The following DAB1 variants were observed in gnomAD, a reference collection of about 807,000 sequenced individuals.
DAB1 encodes the protein DAB adaptor protein 1.
Under a neutral mutation model 64.6 loss-of-function variants are expected in DAB1, and 15 were observed. That is an observed-to-expected ratio of 0.23 (90% confidence interval 0.16 to 0.36). The LOEUF (loss-of-function observed/expected upper bound fraction) is 0.36, where lower values mean the gene tolerates loss of function less well. Among genes scored for constraint, DAB1 ranks in the 10% least tolerant of loss-of-function variants. The pLI, the probability that DAB1 is intolerant of heterozygous loss-of-function variation, is 1.00. For missense variants in DAB1, 596 were observed against 706.7 expected (o/e 0.84, Z 1.78); for synonymous variants, 235 against 251.9 (o/e 0.93, Z 0.64).
chr1:57,986,121 C>T (rs539911299), intron 5 of DAB1, among the ~76,000 whole-genome samples: 9 of 152,248 alleles, frequency 5.9e-5, no homozygotes, highest in East Asian at 1.9e-4. Context: ...GTAATTGTTG[C>T]TCAGCTCTGC....
intron 7 of DAB1, among the ~76,000 whole-genome samples, chr1:57,472,539 A>AT: frequency 6.6e-6 from 1 of 152,366 alleles, no homozygotes; most frequent in South Asian, 2.1e-4. Context: ...GATTACAGAC[A>AT]TTGTATAGAA....
intron 4 of DAB1, among the ~76,000 whole-genome samples, chr1:58,204,998 T>C (rs1423729449): frequency 4.6e-5 from 7 of 152,150 alleles, no homozygotes; most frequent in African/African-American, 1.7e-4. Context: ...CTGTAATAGA[T>C]ATAAGAGCTA....
intron 6 of DAB1, among the ~76,000 whole-genome samples, chr1:57,676,239 G>A (rs1391114598): frequency 1.3e-5 from 2 of 152,222 alleles, no homozygotes; most frequent in South Asian, 2.1e-4. Context: ...TGGAGAACCT[G>A]CTGCAGCAAG....
chr1:57,559,354 T>C (rs1645025361), intron 7 of DAB1, among the ~76,000 whole-genome samples: 1 of 152,166 alleles, frequency 6.6e-6, no homozygotes, highest in South Asian at 2.1e-4. Flanking sequence ...TCAGAACCCC[T>C]TGAATGAAGG....
At chr1:57,537,562 T>A (rs1042835353) in intron 7 of DAB1, among the ~76,000 whole-genome samples, 2 of 151,914 alleles carry the variant, frequency 1.3e-5, no homozygotes, top group Non-Finnish European at 2.9e-5. Context: ...GAGCCCAGAC[T>A]TTTTTTTCAA....
chr1:57,652,518 T>C (rs1005258236), intron 6 of DAB1, among the ~76,000 whole-genome samples: 2 of 152,286 alleles, frequency 1.3e-5, no homozygotes, highest in East Asian at 3.9e-4. Flanking sequence ...CCTTGATAAA[T>C]TGGCTTCATC....
intron 2 of DAB1, among the ~76,000 whole-genome samples, chr1:57,215,421 C>T (rs1666351089): frequency 6.6e-6 from 1 of 152,162 alleles, no homozygotes; most frequent in Non-Finnish European, 1.5e-5. Flanking sequence ...GAATGCCAGC[C>T]TTAGCCTTGA....
chr1:58,116,903 T>G (rs917407532), intron 5 of DAB1, among the ~76,000 whole-genome samples: 1 of 152,186 alleles, frequency 6.6e-6, no homozygotes, highest in African/African-American at 2.4e-5. Context: ...AAGGGATGGT[T>G]CTTATTGGCA....
intron 3 of DAB1, among the ~76,000 whole-genome samples, chr1:58,447,982 C>CG (rs1645090192): frequency 6.6e-6 from 1 of 151,848 alleles, no homozygotes; most frequent in Non-Finnish European, 1.5e-5. Flanking sequence ...GCCATTCCCC[C>CG]GGGGGAATGG....
rs181678215 is a variant in DAB1, at chr1:57,288,758, G to C, written c.67+2206C>G. Among the ~76,000 whole-genome samples the C allele has an allele frequency of 1.4e-4, 21 of 152,188 alleles. No homozygotes were observed. The East Asian group carries it at 3.9e-3, about 28-fold the overall frequency. ...GAAAAGAGTGGAGAGGAGGGAAATG[G>C]AGAAAGATGACAGGGAAGGGAGGGG... On this transcript the variant is annotated intron_variant, in intron 2 of 14. Coordinates refer to ENST00000371236, the MANE Select transcript of DAB1 (RefSeq NM_001365792.1).
At chr1:57,716,377 G>C in intron 6 of DAB1, among the ~76,000 whole-genome samples, 1 of 152,146 alleles carries the variant, frequency 6.6e-6, no homozygotes, top group East Asian at 1.9e-4. Context: ...CAAGCTATTG[G>C]CATAAAAACT....
chr1:57,988,783 C>T (rs1000982259), intron 5 of DAB1, among the ~76,000 whole-genome samples: 2 of 152,102 alleles, frequency 1.3e-5, no homozygotes, highest in African/African-American at 4.8e-5. Flanking sequence ...TCCTTAACAG[C>T]CAAATTACCC....
chr1:57,430,960 G>T (rs759084859), intron 7 of DAB1, among the ~76,000 whole-genome samples: 1 of 150,912 alleles, frequency 6.6e-6, no homozygotes, highest in Non-Finnish European at 1.5e-5. Context: ...TGAAGGAAAC[G>T]CATAATCATG....
intron 4 of DAB1, among the ~76,000 whole-genome samples, chr1:58,293,122 G>A (rs1030113364): frequency 1.3e-5 from 2 of 152,182 alleles, no homozygotes; most frequent in Non-Finnish European, 2.9e-5. Context: ...AAATGAGCGA[G>A]TAGTGAACAA....
intron 3 of DAB1, among the ~76,000 whole-genome samples, chr1:58,363,293 G>A (rs1046688281): frequency 6.6e-6 from 1 of 152,030 alleles, no homozygotes; most frequent in Non-Finnish European, 1.5e-5. Context: ...GTAAGTAAAG[G>A]GAAAATTAAA....
chr1:57,416,582 CTT>C (rs1282797489), intron 1 of DAB1, among the ~76,000 whole-genome samples: 1 of 152,108 alleles, frequency 6.6e-6, no homozygotes, highest in African/African-American at 2.4e-5. Flanking sequence ...ATAGAAATGA[CTT>C]TCAACAGATA....
chr1:57,210,412 A>G (rs1665910553), intron 2 of DAB1, among the ~76,000 whole-genome samples: 1 of 152,156 alleles, frequency 6.6e-6, no homozygotes. Flanking sequence ...TGCATAAAAC[A>G]TTTCAGCCTG....
chr1:58,433,361 G>C (rs950606659), intron 3 of DAB1, among the ~76,000 whole-genome samples: 1 of 152,132 alleles, frequency 6.6e-6, no homozygotes, highest in African/African-American at 2.4e-5. Context: ...TTTGAGAAGA[G>C]ATTTCAAGAA....
At chr1:57,438,919 A>G (rs894158138) in intron 7 of DAB1, among the ~76,000 whole-genome samples, 3 of 150,690 alleles carry the variant, frequency 2.0e-5, no homozygotes, top group African/African-American at 7.5e-5. Flanking sequence ...CTCCTTCCTG[A>G]AAAATCTCAA....
Sources: allele counts gnomAD v4.1 joint callset (sites outside exome capture counted in the v4.1 genomes callset), GRCh38; gene constraint gnomAD v4.1.1; transcripts MANE v1.5; gene names NCBI Gene and HGNC (gene_info 2026-07-23, HGNC 2026-07-21).